PLCB4: variants seen among roughly 807,000 people sequenced by gnomAD.
PLCB4 encodes the protein 1-phosphatidylinositol 4,5-bisphosphate phosphodiesterase beta-4.
In PLCB4, 77 loss-of-function variants were observed where a neutral mutation model predicts 178.8. The ratio of observed to expected loss-of-function variants is 0.43; its 90% CI spans 0.36 to 0.52. The LOEUF (loss-of-function observed/expected upper bound fraction) is 0.52, where lower values mean the gene tolerates loss of function less well. Among genes scored for constraint, PLCB4 ranks in the 20% least tolerant of loss-of-function variants. The pLI is 0.00. For synonymous variants in PLCB4, 496 were observed against 490.8 expected, an observed-to-expected ratio of 1.01 and a Z score of -0.14; for missense variants, 1,024 against 1,453.4, an observed-to-expected ratio of 0.70 and a Z score of 4.80.
At chr20:9,391,313 T>A (rs1055557248) in intron 17 of PLCB4, among the ~76,000 whole-genome samples, 18 of 152,288 alleles carry the variant, frequency 1.2e-4, no homozygotes, top group Non-Finnish European at 2.4e-4. Flanking sequence ...TTAATCACAT[T>A]TTTATAAGGA....
At chr20:9,227,844 A>G (rs2093886075) in intron 3 of PLCB4, among the ~76,000 whole-genome samples, 1 of 152,194 alleles carries the variant, frequency 6.6e-6, no homozygotes, top group Non-Finnish European at 1.5e-5. Context: ...ATAAATAAAA[A>G]TGTAATACTT....
intron 2 of PLCB4, among the ~76,000 whole-genome samples, chr20:9,181,683 C>A (rs2093249037): frequency 6.6e-6 from 1 of 151,962 alleles, no homozygotes; most frequent in Admixed American, 6.6e-5. Context: ...TCATACAGGC[C>A]CCATCCTCAT....
chr20:9,363,071 C>A (rs41308070), intron 8 of PLCB4, 96 bp downstream of exon 8: 1 of 857,500 alleles, frequency 1.2e-6, no homozygotes, highest in Admixed American at 2.0e-5. Context: ...CTCCAAATTC[C>A]TGCTTGCCTT....
Position 9,275,409 on chromosome 20 carries a change from G to A in PLCB4, c.-15-32391G>A, listed in dbSNP as rs573477833. Among the ~76,000 whole-genome samples the A allele has an allele frequency of 1.1e-3, 163 of 152,174 alleles. 2 individuals carry two copies. Among genetic ancestry groups the A allele is most frequent in the African/African-American group, 3.5e-3 (144 of 41,546 alleles). ...CAATTCAAGTTGAGATTTGGGTGGG[G>A]ACACAGCCAAACCATATCATTTATG... On this transcript the variant is annotated intron_variant, in intron 3 of 39. Coordinates refer to ENST00000378473, the MANE Select transcript of PLCB4 (RefSeq NM_001377142.1).
intron 32 of PLCB4, among the ~76,000 whole-genome samples, chr20:9,450,558 A>T (rs1768710283): frequency 6.6e-6 from 1 of 152,162 alleles, no homozygotes; most frequent in Non-Finnish European, 1.5e-5. Context: ...TCAGTTTTTC[A>T]AATTATTTTT....
chr20:9,382,890 A>G (rs1289146073), intron 13 of PLCB4, among the ~76,000 whole-genome samples: 1 of 152,226 alleles, frequency 6.6e-6, no homozygotes, highest in Non-Finnish European at 1.5e-5. Context: ...GCTCTTTAGA[A>G]TGAATGAAGG....
intron 6 of PLCB4, 107 bp from the exon 7 acceptor site, chr20:9,338,787 C>G (rs1336123096): frequency 2.6e-6 from 2 of 778,036 alleles, no homozygotes; most frequent in Admixed American, 2.5e-5. Context: ...GGTGTCTGGG[C>G]CCTTATGTTT....
At chr20:9,122,780 CTTG>C (rs1437012468) in intron 2 of PLCB4, among the ~76,000 whole-genome samples, 2 of 152,152 alleles carry the variant, frequency 1.3e-5, no homozygotes, top group Non-Finnish European at 2.9e-5. Flanking sequence ...CTTGAGACCA[CTTG>C]TTGTAATGAG....
chr20:9,229,003 G>A (rs1209116713), intron 3 of PLCB4, among the ~76,000 whole-genome samples: 2 of 152,196 alleles, frequency 1.3e-5, no homozygotes, highest in Non-Finnish European at 2.9e-5. Context: ...TTTTGGCATC[G>A]CTGTGAGGAT....
At chr20:9,209,392 C>A (rs536668564) in intron 2 of PLCB4, among the ~76,000 whole-genome samples, 2 of 151,792 alleles carry the variant, frequency 1.3e-5, no homozygotes, top group East Asian at 3.9e-4. Context: ...AGACTACTGC[C>A]CCTTGGTTTA....
chr20:9,159,377 A>G (rs1263655923), intron 2 of PLCB4, among the ~76,000 whole-genome samples: 1 of 152,198 alleles, frequency 6.6e-6, no homozygotes, highest in Non-Finnish European at 1.5e-5. Flanking sequence ...TATGATATGC[A>G]TGATTAACAT....
chr20:9,213,044 G>A (rs1230704581), intron 2 of PLCB4, among the ~76,000 whole-genome samples: 3 of 148,332 alleles, frequency 2.0e-5, no homozygotes, highest in Non-Finnish European at 3.0e-5. Flanking sequence ...TTCTGTTTCT[G>A]TGGATTTGCC....
chr20:9,371,270 A>G lies in PLCB4; in HGVS notation c.560A>G (p.Lys187Arg). The change falls in exon 10 of 40, where the codon AAG becomes AGG. Residue 187 changes from lysine (K) to arginine (R), a missense_variant. Physicochemically the swap from Lys to Arg is conservative, Grantham distance 26. This residue lies in a region of PLCB4 where 225 missense variants were observed against 291.0 expected (regional missense o/e 0.77). Coordinates refer to ENST00000378473, the MANE Select transcript of PLCB4 (RefSeq NM_001377142.1). ...GAAAAGGTGATCTTTCAAGCACTCA[A>G]GGAGTTAGGTCTTCCCAGTGGAAAG... Reference protein sequence around the residue: ...KTEKVIFQALKELGLPSGKND... With the variant: ...KTEKVIFQALRELGLPSGKND... 6.2e-7 allele frequency: 1 copy of G among 1,607,054 alleles called. No individual in the cohort carries two copies. The highest frequency in any genetic ancestry group is 8.5e-7 in the Non-Finnish European group (1 of 1,173,584).
chr20:9,390,164 C>A (rs755787284), intron 16 of PLCB4, among the ~76,000 whole-genome samples: 1 of 152,154 alleles, frequency 6.6e-6, no homozygotes, highest in East Asian at 1.9e-4. Flanking sequence ...CCACCCTTGT[C>A]CCCCCAAACC....
Position 9,434,804 on chromosome 20 carries a change from C to T in PLCB4, c.2525-756C>T, listed in dbSNP as rs891420306. On this transcript the variant is annotated intron_variant, in intron 28 of 39. Transcript: ENST00000378473. ...TATCCTAAGATTGTAATTAGGAAGG[C>T]GATTCTGTTAGGGAAAACTTTATAA... 3.9e-5 allele frequency among the ~76,000 whole-genome samples: 6 copies of T among 152,014 alleles called. No individual in the cohort carries two copies. The East Asian group carries it at 9.6e-4, about 24-fold the overall frequency.
At chr20:9,449,470 T>A (rs1200455186) in intron 32 of PLCB4, among the ~76,000 whole-genome samples, 1 of 152,136 alleles carries the variant, frequency 6.6e-6, no homozygotes, top group East Asian at 1.9e-4. Context: ...GCTACCACCA[T>A]TGGTGCCTGG....
chr20:9,151,394 AT>A (rs1298221946), intron 2 of PLCB4, among the ~76,000 whole-genome samples: 1 of 152,090 alleles, frequency 6.6e-6, no homozygotes, highest in Non-Finnish European at 1.5e-5. Context: ...TCTCAACTAA[AT>A]TTTATCACCC....
chr20:9,420,377 G>A (rs4816134), intron 26 of PLCB4, among the ~76,000 whole-genome samples: 13,236 of 151,168 alleles, frequency 0.088, 899 homozygotes, highest in East Asian at 0.24. Context: ...TCACTCTGTC[G>A]CCCAGGCAGG....
intron 33 of PLCB4, among the ~76,000 whole-genome samples, chr20:9,453,931 G>A (rs1413465884): frequency 6.6e-6 from 1 of 152,144 alleles, no homozygotes; most frequent in African/African-American, 2.4e-5. Flanking sequence ...GAAATTGACA[G>A]TGGTGCAATA....
Sources: allele counts gnomAD v4.1 joint callset (sites outside exome capture counted in the v4.1 genomes callset), GRCh38; gene constraint gnomAD v4.1.1; regional missense constraint gnomAD v4.1.1; transcripts MANE v1.5; gene names NCBI Gene and HGNC (gene_info 2026-07-23, HGNC 2026-07-21).